Variants in JAKMIP3 observed in about 807,000 individuals in gnomAD.
JAKMIP3 encodes janus kinase and microtubule-interacting protein 3.
JAKMIP3 carries 58 observed loss-of-function variants against 118.5 expected under a neutral mutation model. That is an observed-to-expected ratio of 0.49 (90% CI 0.40 to 0.61). JAKMIP3 has a LOEUF of 0.61. Ranked by LOEUF, JAKMIP3 falls within the 20% of genes least tolerant of loss-of-function variation. The pLI is 0.00. For missense variants in JAKMIP3, 950 were observed against 1,109.0 expected (o/e 0.86, Z 2.04); for synonymous variants, 486 against 451.2 (o/e 1.08, Z -0.98).
intron 19 of JAKMIP3, among the ~76,000 whole-genome samples, chr10:132,155,893 A>G (rs1298217137): frequency 2.0e-5 from 3 of 152,154 alleles, no homozygotes; most frequent in African/African-American, 7.2e-5. Context: ...GAGTCCCTCC[A>G]GGTGGCCGGG....
In JAKMIP3 at chr10:132,157,146, C is replaced by T. The variant is rs560316614; in HGVS notation, c.2220+3156C>T. Among the ~76,000 whole-genome samples, 10 of 152,278 alleles carry T rather than the reference C, an allele frequency of 6.6e-5. No homozygotes were observed. The East Asian group carries it at 1.4e-3, about 21-fold the overall frequency. The stretch of plus-strand genomic sequence containing the variant: ...ACAGTAGAAAAGGACATTTTCTTCC[C>T]GTTCCTGTTCTCTGGACTCCAGATG... On this transcript the variant is annotated intron_variant, in intron 19 of 23. Coordinates refer to ENST00000684848, the MANE Select transcript of JAKMIP3 (RefSeq NM_001323087.2).
rs1389047093 is a variant in JAKMIP3, at chr10:132,180,748, C to CGTGTGT, written c.*1104-1608_*1104-1607insTGTGTG. Among the ~76,000 whole-genome samples, 32 of 8,322 alleles carry CGTGTGT rather than the reference C, an allele frequency of 3.8e-3. 5 individuals are homozygous for CGTGTGT. Among genetic ancestry groups the CGTGTGT allele is most frequent in the East Asian group, 0.036 (2 of 56 alleles). The allele number at this position is 8,322 out of a possible 152,430, so 5.5% of individuals were successfully genotyped here. A position where few individuals can be genotyped will look rare whatever the true frequency, so the allele number is the denominator to read the frequency against. ...GTGTGTGCGTGTGTGCGTGCGTGCG[C>CGTGTGT]GCGCGTGTGTGCGTGTGTGTGCGTG... On this transcript the variant is annotated intron_variant, in intron 23 of 23. Transcript: ENST00000684848.
At position 132,163,346 on chromosome 10, in the gene JAKMIP3, T is replaced by C. The variant is rs772500532; in HGVS notation, c.2358T>C (p.Ser786=). 4 of 1,609,668 alleles carry C rather than the reference T, an allele frequency of 2.5e-6. No homozygotes were observed. The highest frequency in any genetic ancestry group is 3.4e-6 in the Non-Finnish European group (4 of 1,179,468). Residue 786 remains serine (S), a synonymous_variant, in exon 20 of 24, where the codon AGT becomes AGC. Transcript: ENST00000684848. ...AGCAGTGGAAGCGCCAGGTCATGAG[T>C]GAGCTGCGCGAGCGGGACGCCCAGA... The part of the protein sequence containing the change: ...AVEQWKRQVM[S]ELRERDAQIL...
chr10:132,150,541 G>A (rs1007198355), intron 16 of JAKMIP3, among the ~76,000 whole-genome samples: 40 of 152,164 alleles, frequency 2.6e-4, no homozygotes, highest in African/African-American at 8.9e-4. Context: ...CTAATCCTCT[G>A]CTCTCCATCC....
intron 1 of JAKMIP3, among the ~76,000 whole-genome samples, chr10:132,053,111 T>A (rs1193456046): frequency 6.6e-6 from 1 of 152,086 alleles, no homozygotes; most frequent in African/African-American, 2.4e-5. Context: ...CCAGAGAGGG[T>A]CACAGTTGCT....
At chr10:132,076,436 T>G (rs369289784) in intron 1 of JAKMIP3, among the ~76,000 whole-genome samples, 2 of 152,298 alleles carry the variant, frequency 1.3e-5, no homozygotes, top group African/African-American at 4.8e-5. Context: ...TCATTTCCGC[T>G]TTTTGGCAAT....
intron 1 of JAKMIP3, among the ~76,000 whole-genome samples, chr10:132,080,802 G>C (rs2041666841): frequency 6.6e-6 from 1 of 152,022 alleles, no homozygotes. Flanking sequence ...TTACAGGCGA[G>C]AGCCACCATG....
At chr10:132,064,508 G>A (rs575347536), upstream of JAKMIP3, among the ~76,000 whole-genome samples, 14 of 152,162 alleles carry the variant, frequency 9.2e-5, no homozygotes, top group South Asian at 6.2e-4. The surrounding 1 kb of genome is among the most constrained non-coding windows in gnomAD (Gnocchi z 4.4). Context: ...CCGACCCACC[G>A]TTCCGGGTCT....
Position 132,149,017 on chromosome 10 carries a change from C to G in JAKMIP3, c.1849-395C>G, listed in dbSNP as rs554290669. Among the ~76,000 whole-genome samples, 37 of 152,298 alleles carry G rather than the reference C, an allele frequency of 2.4e-4. No individual in the cohort carries two copies. In the South Asian group the frequency reaches 6.0e-3, roughly 25 times the overall value. On this transcript the variant is annotated intron_variant, in intron 14 of 23. Transcript: ENST00000684848. ...GGCCTGCCTGTGGGGACAGTGGCAG[C>G]ACTGCCAGCCTGTGTTCTCCAGAGG...
At chr10:132,097,204 A>G (rs2043996559) in intron 1 of JAKMIP3, among the ~76,000 whole-genome samples, 1 of 152,244 alleles carries the variant, frequency 6.6e-6, no homozygotes, top group African/African-American at 2.4e-5. Context: ...CCAGCTGGGC[A>G]ATAAACATCC....
At position 132,153,116 on chromosome 10, in the gene JAKMIP3, C is replaced by T. The variant is rs1389958323; in HGVS notation, c.2073+93C>T. 5.7e-6 allele frequency: 6 copies of T among 1,061,644 alleles called. No individual in the cohort carries two copies. The East Asian group carries it at 7.9e-5, about 14-fold the overall frequency. 65.8% of individuals were successfully genotyped at this position (1,061,644 alleles called of 1,614,324 possible). ...AGAGGTGGTGATCTCGGGAGGAGGG[C>T]CTGCAGGGCCGGGTTTGGGGGGTCC... On this transcript the variant is annotated intron_variant, in intron 17 of 23. Coordinates refer to ENST00000684848, the MANE Select transcript of JAKMIP3 (RefSeq NM_001323087.2).
rs990145851 is a variant in JAKMIP3 at position 132,074,442 on chromosome 10, G to C, written c.-138+8381G>C. 4.6e-5 allele frequency among the ~76,000 whole-genome samples: 7 copies of C among 152,240 alleles called. No individual in the cohort carries two copies. In the East Asian group the frequency reaches 7.7e-4, roughly 17 times the overall value. ...GATTTGCATTTCTCTGGTGATTACT[G>C]ACATTGAACATTTTTTCATATATTT... On this transcript the variant is annotated intron_variant, in intron 1 of 23. Transcript: ENST00000684848.
chr10:132,053,912 C>G (rs1317421904), intron 1 of JAKMIP3, among the ~76,000 whole-genome samples: 1 of 152,072 alleles, frequency 6.6e-6, no homozygotes, highest in Non-Finnish European at 1.5e-5. Flanking sequence ...TGGTGGGCAC[C>G]TGTAGTCCCA....
chr10:132,172,693 C>T (rs1340061804), intron 23 of JAKMIP3, among the ~76,000 whole-genome samples: 1 of 151,924 alleles, frequency 6.6e-6, no homozygotes, highest in Non-Finnish European at 1.5e-5. Context: ...TCCAGCGCTC[C>T]TCCAGGCCGG....
At chr10:132,089,089 C>G (rs1171704119) in intron 1 of JAKMIP3, among the ~76,000 whole-genome samples, 1 of 152,126 alleles carries the variant, frequency 6.6e-6, no homozygotes, top group Non-Finnish European at 1.5e-5. Context: ...GTACCAGTAC[C>G]ATGCTGTTTT....
chr10:132,122,901 G>A (rs2048799648), intron 3 of JAKMIP3, among the ~76,000 whole-genome samples: 1 of 152,198 alleles, frequency 6.6e-6, no homozygotes, highest in Non-Finnish European at 1.5e-5. Context: ...GTGTCAGAAT[G>A]CCTTGGCTAG....
chr10:132,154,256 A>T (rs1283675741), intron 19 of JAKMIP3, among the ~76,000 whole-genome samples: 1 of 152,236 alleles, frequency 6.6e-6, no homozygotes, highest in Non-Finnish European at 1.5e-5. Context: ...GCCTTTGTGC[A>T]GGTCACTCAA....
Position 132,133,500 on chromosome 10 carries a change from A to C in JAKMIP3, c.822A>C (p.Gly274=). 6.4e-7 allele frequency: 1 copy of C among 1,572,768 alleles called. No individual in the cohort carries two copies. Among genetic ancestry groups the C allele is most frequent in the Non-Finnish European group, 8.6e-7 (1 of 1,160,022 alleles). The change falls in exon 4 of 24, where the codon GGA becomes GGC. Residue 274 remains glycine, a synonymous_variant. Transcript: ENST00000684848. ...AACTTCCTCATGCAGCTGGTGCAGGAGACGCTTCAGACCACTCGGGAAGCC... is the reference window on the plus strand; with the variant it reads ...AACTTCCTCATGCAGCTGGTGCAGGCGACGCTTCAGACCACTCGGGAAGCC... ...RRELPHAAGA[G]DASDHSGSPE... is the part of the protein sequence containing the mutation.
At chr10:132,180,977 ATG>A (rs774239472) in intron 23 of JAKMIP3, among the ~76,000 whole-genome samples, 6 of 147,606 alleles carry the variant, frequency 4.1e-5, no homozygotes, top group South Asian at 4.2e-4. Flanking sequence ...TTGTGTGGGC[ATG>A]TGTGTGTAGT....
Sources: gnomAD v4.1 joint callset for allele counts (sites outside exome capture counted in the v4.1 genomes callset) on GRCh38, gnomAD v4.1.1 for gene constraint, Gnocchi (gnomAD v3.1) non-coding constraint, MANE v1.5 for transcripts, NCBI Gene and HGNC (gene_info 2026-07-23, HGNC 2026-07-21) for gene names.